SAMD5: variants seen among roughly 807,000 people sequenced by gnomAD.
SAMD5 encodes sterile alpha motif domain containing 5.
In SAMD5, 13 loss-of-function variants were observed where a neutral mutation model predicts 11.3. The observed-to-expected ratio is 1.15, with a 90% CI of 0.75 to 1.83. The LOEUF (loss-of-function observed/expected upper bound fraction) is 1.83. Among genes scored for constraint, SAMD5 ranks in the 40% most tolerant of loss-of-function variants. The pLI is 0.00. For synonymous variants in SAMD5, 129 were observed against 111.3 expected (o/e 1.16, Z -1.00); for missense variants, 255 against 239.1 (o/e 1.07, Z -0.44).
the SAMD5 span, among the ~76,000 whole-genome samples, chr6:147,835,489 T>C: frequency 3.9e-5 from 6 of 152,146 alleles, no homozygotes; most frequent in Non-Finnish European, 7.3e-5. Flanking sequence ...GTCATGATGG[T>C]CTATGCCTTT....
At chr6:147,916,906 G>A in the SAMD5 span, among the ~76,000 whole-genome samples, 3,472 of 149,432 alleles carry the variant, frequency 0.023, 53 homozygotes, top group Non-Finnish European at 0.037. Flanking sequence ...TTATGGCTGC[G>A]TAGTATTCCA....
the SAMD5 span, among the ~76,000 whole-genome samples, chr6:147,830,519 G>A: frequency 6.6e-6 from 1 of 151,884 alleles, no homozygotes; most frequent in Non-Finnish European, 1.5e-5. Flanking sequence ...GCCTCCCAAA[G>A]TGCTGGGATT....
At chr6:147,813,299 A>G in the SAMD5 span, among the ~76,000 whole-genome samples, 1 of 152,114 alleles carries the variant, frequency 6.6e-6, no homozygotes, top group African/African-American at 2.4e-5. Context: ...TCTCCAAAGT[A>G]CCTTTGTTCT....
At chr6:147,587,256 G>A (rs758476100) in intron 1 of SAMD5, among the ~76,000 whole-genome samples, 1 of 151,766 alleles carries the variant, frequency 6.6e-6, no homozygotes, top group Non-Finnish European at 1.5e-5. Flanking sequence ...TTTGCTTTTT[G>A]AGATGGAGTT....
At position 147,710,590 on chromosome 6, in the gene SAMD5, C is replaced by A. The variant is rs185882212; in HGVS notation, c.163-26727C>A. 5.7e-4 allele frequency among the ~76,000 whole-genome samples: 87 copies of A among 152,110 alleles called. 1 individual carries two copies. The highest frequency in any genetic ancestry group is 2.0e-3 in the African/African-American group (82 of 41,496). ...GTGGCAGCATCACAGTGCTGGTGCC[C>A]AAAGAACCCTTATTTTGTTTAATAA... is the stretch of plus-strand genomic sequence containing the variant. On this transcript the variant is annotated intron_variant, in intron 1 of 1. Coordinates refer to the SAMD5 transcript ENST00000566741.
chr6:147,614,301 C>G (rs1412904804), intron 1 of SAMD5, among the ~76,000 whole-genome samples: 2 of 151,306 alleles, frequency 1.3e-5, no homozygotes, highest in African/African-American at 2.5e-5. Context: ...AACCCTGTCT[C>G]TACTCAAAAT....
At chr6:147,762,749 G>A in the SAMD5 span, among the ~76,000 whole-genome samples, 3 of 151,952 alleles carry the variant, frequency 2.0e-5, no homozygotes, top group Non-Finnish European at 4.4e-5. Context: ...CCTTATTTCC[G>A]GTTTAGTACT....
chr6:147,942,890 T>A, the SAMD5 span, among the ~76,000 whole-genome samples: 1 of 146,804 alleles, frequency 6.8e-6, no homozygotes, highest in South Asian at 2.2e-4. Flanking sequence ...AGTGGCACAA[T>A]CTTGGCTCAC....
At chr6:147,715,274 G>A (rs1213368102) in intron 1 of SAMD5, among the ~76,000 whole-genome samples, 1 of 152,236 alleles carries the variant, frequency 6.6e-6, no homozygotes, top group Non-Finnish European at 1.5e-5. Flanking sequence ...AGAGCAGTGA[G>A]GAGTTTGAGA....
the SAMD5 span, among the ~76,000 whole-genome samples, chr6:147,762,525 GT>G: frequency 6.6e-6 from 1 of 152,016 alleles, no homozygotes; most frequent in South Asian, 2.1e-4. Flanking sequence ...ACTCTTTTAT[GT>G]TGTCATGTCT....
chr6:147,661,518 C>G (rs1335797036), intron 1 of SAMD5, among the ~76,000 whole-genome samples: 1 of 152,150 alleles, frequency 6.6e-6, no homozygotes, highest in African/African-American at 2.4e-5. Flanking sequence ...CAAATGAATA[C>G]CCATCGTTTA....
the SAMD5 span, among the ~76,000 whole-genome samples, chr6:147,858,470 C>G: frequency 1.3e-5 from 2 of 152,176 alleles, no homozygotes; most frequent in Non-Finnish European, 2.9e-5. Flanking sequence ...GCACCTGATC[C>G]TCCCCTAGTT....
At chr6:147,545,734 G>A (rs1788674886) in intron 1 of SAMD5, among the ~76,000 whole-genome samples, 1 of 152,128 alleles carries the variant, frequency 6.6e-6, no homozygotes, top group Admixed American at 6.5e-5. Context: ...GTGCATGTGT[G>A]TGTGTATATA....
the SAMD5 span, among the ~76,000 whole-genome samples, chr6:147,783,534 C>T: frequency 6.6e-6 from 1 of 152,002 alleles, no homozygotes; most frequent in Non-Finnish European, 1.5e-5. Context: ...GCTGGGGCTA[C>T]AGATGCCCAC....
At chr6:147,547,878 G>A (rs1305147773) in intron 1 of SAMD5, among the ~76,000 whole-genome samples, 1 of 152,168 alleles carries the variant, frequency 6.6e-6, no homozygotes, top group Non-Finnish European at 1.5e-5. Flanking sequence ...ATGCAGAATT[G>A]AAAAGTAAGA....
At chr6:147,859,185 C>T in the SAMD5 span, among the ~76,000 whole-genome samples, 2 of 152,060 alleles carry the variant, frequency 1.3e-5, no homozygotes, top group African/African-American at 4.8e-5. Flanking sequence ...CAAGTGGAGC[C>T]TCCCTTTGTG....
At chr6:147,855,354 A>G in the SAMD5 span, among the ~76,000 whole-genome samples, 2 of 152,174 alleles carry the variant, frequency 1.3e-5, no homozygotes, top group Non-Finnish European at 2.9e-5. Flanking sequence ...TTAAAATGAG[A>G]AATTGTGTGT....
chr6:147,623,257 G>A (rs1789999466), intron 1 of SAMD5, among the ~76,000 whole-genome samples: 1 of 152,222 alleles, frequency 6.6e-6, no homozygotes, highest in African/African-American at 2.4e-5. Flanking sequence ...CCCAGAGCCT[G>A]TCTGCTATTC....
At chr6:147,880,445 T>TA in the SAMD5 span, among the ~76,000 whole-genome samples, 1 of 152,054 alleles carries the variant, frequency 6.6e-6, no homozygotes, top group Admixed American at 6.6e-5. Context: ...TTGTACTGGG[T>TA]AAAAACATCT....
Sources: gnomAD v4.1 joint callset for allele counts (sites outside exome capture counted in the v4.1 genomes callset) on GRCh38, gnomAD v4.1.1 for gene constraint, MANE v1.5 for transcripts, NCBI Gene and HGNC (gene_info 2026-07-23, HGNC 2026-07-21) for gene names.